Variants in ABTB2 observed in about 807,000 individuals in gnomAD.
ABTB2 encodes ankyrin repeat and BTB domain containing 2.
A neutral mutation model predicts 104.1 loss-of-function variants in ABTB2; 56 were observed. The observed-to-expected ratio is 0.54, with a 90% CI of 0.43 to 0.67. The LOEUF is 0.67. ABTB2 is among the 30% of genes least tolerant of loss of function. ABTB2 has a pLI of 0.00. For missense variants in ABTB2, 1,279 were observed against 1,407.7 expected, an observed-to-expected ratio of 0.91 and a Z score of 1.46; for synonymous variants, 606 against 608.2, an observed-to-expected ratio of 1.00 and a Z score of 0.05.
chr11:34,255,932 TTAAG>T (rs1227043255), intron 1 of ABTB2, among the ~76,000 whole-genome samples: 1 of 152,224 alleles, frequency 6.6e-6, no homozygotes, highest in Non-Finnish European at 1.5e-5. Flanking sequence ...AAATGTCTTC[TTAAG>T]TAAAACCCAA....
At position 34,206,297 on chromosome 11, in the gene ABTB2, C is replaced by T. The variant is rs181593841; in HGVS notation, c.884-1607G>A. On this transcript the variant is annotated intron_variant, in intron 1 of 16. Transcript: ENST00000435224. ...ACTCGGGAGGCTGAGGCAGGAGCAT[C>T]GCTTGAACCCGGGAGGCAGAGTTTG... Among the ~76,000 whole-genome samples the T allele has an allele frequency of 7.5e-4, 114 of 152,226 alleles. No homozygotes were observed. The East Asian group carries it at 0.018, about 24-fold the overall frequency.
At chr11:34,223,277 C>G (rs905398453) in intron 1 of ABTB2, among the ~76,000 whole-genome samples, 3 of 152,122 alleles carry the variant, frequency 2.0e-5, no homozygotes, top group African/African-American at 7.2e-5. Flanking sequence ...GGCAACGTCC[C>G]AAAGAGGCAG....
At chr11:34,229,456 G>C (rs1326502129) in intron 1 of ABTB2, among the ~76,000 whole-genome samples, 1 of 150,920 alleles carries the variant, frequency 6.6e-6, no homozygotes, top group African/African-American at 2.4e-5. Flanking sequence ...ACTCCAGCCT[G>C]GGTGACAGAG....
intron 1 of ABTB2, among the ~76,000 whole-genome samples, chr11:34,353,306 C>T (rs999152604): frequency 6.6e-6 from 1 of 151,814 alleles, no homozygotes. Flanking sequence ...GAAGAATGAC[C>T]AAGAAGAAAC....
chr11:34,184,754 T>C (rs1853075483), intron 3 of ABTB2, among the ~76,000 whole-genome samples: 1 of 152,232 alleles, frequency 6.6e-6, no homozygotes, highest in Non-Finnish European at 1.5e-5. Context: ...CCGGCATCTC[T>C]CCACCTCATT....
At chr11:34,175,029 C>A (rs1354929882) in intron 3 of ABTB2, among the ~76,000 whole-genome samples, 4 of 152,254 alleles carry the variant, frequency 2.6e-5, no homozygotes, top group Non-Finnish European at 5.9e-5. Flanking sequence ...TCACTGTGGT[C>A]TCTCCCCTTG....
intron 1 of ABTB2, among the ~76,000 whole-genome samples, chr11:34,342,649 T>C (rs1855275123): frequency 6.6e-6 from 1 of 152,160 alleles, no homozygotes; most frequent in African/African-American, 2.4e-5. Context: ...GTCTGGTGCT[T>C]CGTAAAAGTT....
chr11:34,341,511 A>G (rs892930403), intron 1 of ABTB2, among the ~76,000 whole-genome samples: 6 of 152,234 alleles, frequency 3.9e-5, no homozygotes, highest in Admixed American at 2.0e-4. Context: ...GCGATGATGG[A>G]AATGTTCTAT....
intron 9 of ABTB2, 148 bp downstream of exon 9, chr11:34,164,538 C>G: frequency 1.0e-6 from 1 of 983,554 alleles, no homozygotes; most frequent in Non-Finnish European, 1.4e-6. Flanking sequence ...TAAACTCCCC[C>G]ATGTTTCTGG....
chr11:34,311,892 G>A (rs1434092504), intron 1 of ABTB2, among the ~76,000 whole-genome samples: 1 of 152,176 alleles, frequency 6.6e-6, no homozygotes, highest in Non-Finnish European at 1.5e-5. Flanking sequence ...TGTAATCCCA[G>A]CACTTTGGGA....
intron 1 of ABTB2, among the ~76,000 whole-genome samples, chr11:34,209,453 C>T (rs935365721): frequency 6.9e-6 from 1 of 144,814 alleles, no homozygotes; most frequent in Non-Finnish European, 1.5e-5. Flanking sequence ...AATTTCCCAG[C>T]ACCTCCCAAG....
chr11:34,299,221 G>A (rs578127499), intron 1 of ABTB2, among the ~76,000 whole-genome samples: 3 of 152,270 alleles, frequency 2.0e-5, no homozygotes, highest in African/African-American at 7.2e-5. Flanking sequence ...TTTGGACTGG[G>A]GGGCAGGAAT....
chr11:34,282,875 T>C (rs1854463255), intron 1 of ABTB2, among the ~76,000 whole-genome samples: 1 of 151,042 alleles, frequency 6.6e-6, no homozygotes, highest in Non-Finnish European at 1.5e-5. Context: ...AGTTTGTCTA[T>C]GTTGAATGCA....
At chr11:34,246,166 T>C (rs936115284) in intron 1 of ABTB2, among the ~76,000 whole-genome samples, 3 of 152,206 alleles carry the variant, frequency 2.0e-5, no homozygotes, top group Non-Finnish European at 4.4e-5. Context: ...GAGACTCTTC[T>C]GCTGAACAAA....
At chr11:34,301,384 G>C (rs984141204) in intron 1 of ABTB2, among the ~76,000 whole-genome samples, 1 of 152,122 alleles carries the variant, frequency 6.6e-6, no homozygotes, top group Non-Finnish European at 1.5e-5. Context: ...TATTTCGAAT[G>C]ATCACTTGAC....
At chr11:34,317,372 C>T (rs1854946117) in intron 1 of ABTB2, among the ~76,000 whole-genome samples, 1 of 152,152 alleles carries the variant, frequency 6.6e-6, no homozygotes. Context: ...TGTCTCCTCT[C>T]CCGCATCTTG....
intron 12 of ABTB2, 111 bp downstream of exon 12, chr11:34,160,137 C>A (rs1852688252): frequency 2.4e-6 from 3 of 1,275,930 alleles, no homozygotes; most frequent in Non-Finnish European, 3.4e-6. Flanking sequence ...GAAACTGAGG[C>A]TGGGGCCTTG....
At chr11:34,248,906 C>T (rs984421477) in intron 1 of ABTB2, among the ~76,000 whole-genome samples, 14 of 152,052 alleles carry the variant, frequency 9.2e-5, no homozygotes, top group Non-Finnish European at 1.8e-4. Flanking sequence ...CAAGGCGGGC[C>T]GATCACCTGA....
intron 1 of ABTB2, among the ~76,000 whole-genome samples, chr11:34,270,265 G>A (rs1054304246): frequency 6.6e-6 from 1 of 151,976 alleles, no homozygotes; most frequent in Non-Finnish European, 1.5e-5. Flanking sequence ...GCAGCTTCCT[G>A]CATGGTTTCA....
Sources: allele counts gnomAD v4.1 joint callset (sites outside exome capture counted in the v4.1 genomes callset), GRCh38; gene constraint gnomAD v4.1.1; transcripts MANE v1.5; gene names NCBI Gene and HGNC (gene_info 2026-07-23, HGNC 2026-07-21).